NEGR1: variants seen among roughly 807,000 people sequenced by gnomAD.
NEGR1 encodes neuronal growth regulator 1.
A neutral mutation model predicts 40.9 loss-of-function variants in NEGR1; 10 were observed. The observed-to-expected ratio is 0.24, with a 90% CI of 0.15 to 0.42. The LOEUF (loss-of-function observed/expected upper bound fraction) is 0.42, where lower values mean the gene tolerates loss of function less well. Ranked by LOEUF, NEGR1 falls within the 10% of genes least tolerant of loss-of-function variation. The pLI is 1.00. For synonymous variants in NEGR1, 185 were observed against 166.8 expected (o/e 1.11, Z -0.84); for missense variants, 352 against 438.9 (o/e 0.80, Z 1.77).
Position 71,840,071 on chromosome 1 carries a change from C to A in NEGR1, c.410-63774G>T, listed in dbSNP as rs977391277. On this transcript the variant is annotated intron_variant, in intron 2 of 6. Coordinates refer to ENST00000357731, the MANE Select transcript of NEGR1 (RefSeq NM_173808.3). ...TATCAAATGTGATTATATGCATTAT[C>A]TCCAGAGCGGATTTCTCTTTTTCTG... 7.4e-4 allele frequency among the ~76,000 whole-genome samples: 112 copies of A among 152,042 alleles called. 3 individuals carry two copies. The highest frequency in any genetic ancestry group is 1.9e-4 in the Non-Finnish European group (13 of 68,008).
intron 1 of NEGR1, among the ~76,000 whole-genome samples, chr1:72,060,162 C>A (rs1308404494): frequency 6.6e-6 from 1 of 151,610 alleles, no homozygotes; most frequent in Non-Finnish European, 1.5e-5. Context: ...AATAGCATTT[C>A]CAAAATAACT....
intron 6 of NEGR1, among the ~76,000 whole-genome samples, chr1:71,460,599 A>G (rs1052192345): frequency 6.6e-6 from 1 of 152,160 alleles, no homozygotes; most frequent in Non-Finnish European, 1.5e-5. Flanking sequence ...TACTTAGTGT[A>G]TCTTGTGTAA....
intron 2 of NEGR1, among the ~76,000 whole-genome samples, chr1:71,806,478 T>G (rs1008457206): frequency 2.0e-5 from 3 of 151,688 alleles, no homozygotes; most frequent in East Asian, 3.9e-4. Flanking sequence ...AAAATCCTTT[T>G]GAAAATTCCT....
chr1:71,479,416 T>C (rs1485120752), intron 6 of NEGR1, among the ~76,000 whole-genome samples: 1 of 152,026 alleles, frequency 6.6e-6, no homozygotes, highest in Non-Finnish European at 1.5e-5. Flanking sequence ...GCTGGTTGGA[T>C]ATAATCCAAA....
intron 1 of NEGR1, among the ~76,000 whole-genome samples, chr1:72,126,296 C>G (rs573067346): frequency 9.9e-5 from 15 of 152,058 alleles, no homozygotes; most frequent in Admixed American, 7.2e-4. Flanking sequence ...AATTACAAAA[C>G]AAAATTTACA....
At chr1:71,716,101 C>T (rs1054285200) in intron 3 of NEGR1, among the ~76,000 whole-genome samples, 1 of 152,088 alleles carries the variant, frequency 6.6e-6, no homozygotes, top group African/African-American at 2.4e-5. Flanking sequence ...TGGTGGAAGG[C>T]ACCTCTTCAC....
intron 2 of NEGR1, among the ~76,000 whole-genome samples, chr1:71,827,163 AG>A (rs1318657832): frequency 6.6e-6 from 1 of 151,884 alleles, no homozygotes; most frequent in East Asian, 2.0e-4. Context: ...CAGAAAAAAA[AG>A]GAGCTTTTTT....
At chr1:71,693,186 A>G (rs530791799) in intron 4 of NEGR1, among the ~76,000 whole-genome samples, 1 of 151,848 alleles carries the variant, frequency 6.6e-6, no homozygotes, top group Admixed American at 6.6e-5. Flanking sequence ...TGCAAATTTC[A>G]GGTTATCTTT....
intron 2 of NEGR1, 39 bp from the exon 3 acceptor site, chr1:71,776,336 A>G (rs757237154): frequency 1.4e-6 from 2 of 1,392,076 alleles, no homozygotes; most frequent in Admixed American, 4.2e-5. Flanking sequence ...AAAAAAATAT[A>G]TAAAGTTTTG....
intron 2 of NEGR1, among the ~76,000 whole-genome samples, chr1:71,855,638 G>A (rs551821265): frequency 1.3e-5 from 2 of 151,908 alleles, no homozygotes; most frequent in South Asian, 2.1e-4. Context: ...AGTAACCATA[G>A]CTTTGAATTA....
At chr1:72,072,730 G>A (rs1647522679) in intron 1 of NEGR1, among the ~76,000 whole-genome samples, 1 of 132,314 alleles carries the variant, frequency 7.6e-6, no homozygotes, top group South Asian at 2.3e-4. Flanking sequence ...ATCTGAGCTT[G>A]ATTCTCAGCA....
At chr1:71,979,864 T>C (rs1478907329) in intron 1 of NEGR1, among the ~76,000 whole-genome samples, 2 of 152,132 alleles carry the variant, frequency 1.3e-5, no homozygotes, top group Non-Finnish European at 2.9e-5. Flanking sequence ...CGTGTGTAAC[T>C]TGGATCATTC....
chr1:72,077,190 G>A (rs753939678), intron 1 of NEGR1, among the ~76,000 whole-genome samples: 2 of 151,872 alleles, frequency 1.3e-5, no homozygotes, highest in Non-Finnish European at 2.9e-5. Context: ...CACCGTGCCC[G>A]GCCCTCATTT....
chr1:71,769,649 C>T (rs1001638932), intron 3 of NEGR1, among the ~76,000 whole-genome samples: 1 of 151,964 alleles, frequency 6.6e-6, no homozygotes, highest in African/African-American at 2.4e-5. Context: ...GTTTTGCTTC[C>T]CCTTCCACCA....
intron 1 of NEGR1, among the ~76,000 whole-genome samples, chr1:72,063,196 A>G (rs944304036): frequency 4.6e-5 from 7 of 151,958 alleles, no homozygotes; most frequent in Admixed American, 3.3e-4. Context: ...TGGATAATCT[A>G]TCATTGCACT....
intron 3 of NEGR1, among the ~76,000 whole-genome samples, chr1:71,705,814 GAGAAAGAAAGAA>G (rs142070045): frequency 2.0e-5 from 3 of 150,578 alleles, no homozygotes; most frequent in South Asian, 4.2e-4. Flanking sequence ...AGAGAGGAAG[GAGAAAGAAAGAA>G]AGAAAGAAAG....
chr1:71,714,327 G>T (rs894626744), intron 3 of NEGR1, among the ~76,000 whole-genome samples: 13 of 152,144 alleles, frequency 8.5e-5, no homozygotes, highest in East Asian at 7.7e-4. Context: ...TGAGATTGGG[G>T]TGAGGACACA....
intron 2 of NEGR1, among the ~76,000 whole-genome samples, chr1:71,906,289 A>T (rs912132433): frequency 2.0e-5 from 3 of 152,108 alleles, no homozygotes; most frequent in Non-Finnish European, 2.9e-5. Context: ...GGTACCGTAT[A>T]CGCTGCTCGG....
At chr1:71,905,487 C>T (rs926763367) in intron 2 of NEGR1, among the ~76,000 whole-genome samples, 2 of 151,736 alleles carry the variant, frequency 1.3e-5, no homozygotes, top group Admixed American at 6.6e-5. Flanking sequence ...TTTTCCTCTT[C>T]TACAGAATCT....
Sources: allele counts gnomAD v4.1 joint callset (sites outside exome capture counted in the v4.1 genomes callset), GRCh38; gene constraint gnomAD v4.1.1; transcripts MANE v1.5; gene names NCBI Gene and HGNC (gene_info 2026-07-23, HGNC 2026-07-21).